The following EPSTI1 variants were observed in gnomAD, a reference collection of about 807,000 sequenced individuals.
EPSTI1 encodes epithelial-stromal interaction protein 1.
EPSTI1 carries 66 observed loss-of-function variants against 49.9 expected under a neutral mutation model. The observed-to-expected ratio is 1.32, with a 90% CI of 1.08 to 1.62. The LOEUF is 1.62. Ranked by LOEUF, EPSTI1 falls within the 40% of genes most tolerant of loss-of-function variation. The pLI is 0.00. For synonymous variants in EPSTI1, 137 were observed against 130.7 expected, an observed-to-expected ratio of 1.05 and a Z score of -0.33; for missense variants, 394 against 365.5, an observed-to-expected ratio of 1.08 and a Z score of -0.64.
At chr13:42,983,582 A>AAAAAAAAAC (rs1280212232) in intron 1 of EPSTI1, among the ~76,000 whole-genome samples, 3 of 150,924 alleles carry the variant, frequency 2.0e-5, no homozygotes, top group African/African-American at 7.3e-5. Flanking sequence ...AAAAAAAAAA[A>AAAAAAAAAC]AAAAAAACAA....
At position 42,887,053 on chromosome 13, in the gene EPSTI1, A is replaced by G. The variant is rs1049452976; in HGVS notation, c.*1441T>C. ...AATGGCTGCACACCACCACACTAAA[A>G]TGTCTGCTACAGCCGCACATTTACA... On this transcript the variant is annotated 3_prime_UTR_variant, in exon 11 of 11. Transcript: ENST00000313624. 6.6e-6 allele frequency: 1 copy of G among 152,150 alleles called. No homozygotes were observed. The highest frequency in any genetic ancestry group is 2.4e-5 in the African/African-American group (1 of 41,430). The allele number at this position is 152,150 out of a possible 1,614,324, so 9.4% of individuals were successfully genotyped here.
chr13:42,968,933 C>T (rs1200356895), intron 3 of EPSTI1, among the ~76,000 whole-genome samples, 161 bp downstream of exon 3: 8 of 128,284 alleles, frequency 6.2e-5, no homozygotes, highest in Admixed American at 1.6e-4. Flanking sequence ...CACACACACA[C>T]ACACACACAC....
chr13:42,989,948 A>G (rs2040165154), intron 1 of EPSTI1, among the ~76,000 whole-genome samples: 1 of 152,062 alleles, frequency 6.6e-6, no homozygotes, highest in African/African-American at 2.4e-5. Flanking sequence ...AAATAAATAA[A>G]GCCTTCTTTA....
At chr13:42,960,651 T>A (rs2039420120) in intron 5 of EPSTI1, among the ~76,000 whole-genome samples, 1 of 152,106 alleles carries the variant, frequency 6.6e-6, no homozygotes, top group African/African-American at 2.4e-5. Flanking sequence ...ACAAAACGGG[T>A]ATCAATGGGC....
At position 42,931,238 on chromosome 13, in the gene EPSTI1, G is replaced by A. The variant is rs990990444; in HGVS notation, c.564-4809C>T. On this transcript the variant is annotated intron_variant, in intron 6 of 10. Coordinates refer to ENST00000313624, the MANE Select transcript of EPSTI1 (RefSeq NM_033255.5). ...TTTTGAGACGGAGTCTCGCTCTGTC[G>A]CCCAGGCCGGACTGCGGACTGCAGT... Among the ~76,000 whole-genome samples, 475 of 121,764 alleles carry A rather than the reference G, an allele frequency of 3.9e-3. 3 individuals are homozygous for A. Among genetic ancestry groups the A allele is most frequent in the African/African-American group, 0.014 (451 of 31,416 alleles). The allele number at this position is 121,764 out of a possible 152,430, so 79.9% of individuals were successfully genotyped here.
At chr13:42,950,634 C>T (rs1170750257) in intron 6 of EPSTI1, among the ~76,000 whole-genome samples, 1 of 152,184 alleles carries the variant, frequency 6.6e-6, no homozygotes, top group Non-Finnish European at 1.5e-5. Context: ...TTATAGTCCG[C>T]TCAAGTCCAT....
At chr13:42,947,978 C>T (rs761906422) in intron 6 of EPSTI1, among the ~76,000 whole-genome samples, 2 of 152,218 alleles carry the variant, frequency 1.3e-5, no homozygotes, top group African/African-American at 2.4e-5. Context: ...CCCCAGGCCC[C>T]GGTCCTGCTG....
intron 1 of EPSTI1, among the ~76,000 whole-genome samples, chr13:42,976,224 G>A (rs192345717): frequency 1.1e-4 from 16 of 152,324 alleles, no homozygotes; most frequent in Admixed American, 4.6e-4. Context: ...TATGATGGGC[G>A]CAACAGGATG....
At chr13:42,908,315 G>A (rs191873710) in intron 8 of EPSTI1, among the ~76,000 whole-genome samples, 8 of 152,090 alleles carry the variant, frequency 5.3e-5, no homozygotes, top group South Asian at 2.1e-4. Context: ...GCAAAGCCCC[G>A]TCTCTACTGA....
At chr13:42,980,224 T>G (rs1433411424) in intron 1 of EPSTI1, among the ~76,000 whole-genome samples, 1 of 151,572 alleles carries the variant, frequency 6.6e-6, no homozygotes, top group Non-Finnish European at 1.5e-5. Context: ...TAAGCCAAAG[T>G]GAAAAACAAG....
intron 8 of EPSTI1, among the ~76,000 whole-genome samples, chr13:42,911,808 TG>T (rs2037695087): frequency 1.3e-5 from 2 of 152,242 alleles, no homozygotes; most frequent in South Asian, 4.1e-4. Flanking sequence ...TATTAATTTC[TG>T]TTCTTATCTT....
Position 42,917,640 on chromosome 13 carries a change from G to GACAA in EPSTI1, c.658-17_658-16insTTGT. The GACAA allele has an allele frequency of 7.4e-5, 11 of 149,388 alleles. No individual in the cohort carries two copies. Among genetic ancestry groups the GACAA allele is most frequent in the Non-Finnish European group, 1.2e-4 (11 of 92,610 alleles). The allele number at this position is 149,388 out of a possible 1,614,324, so 9.3% of individuals were successfully genotyped here. ...AGCTTCTGGCCTGTAAAGGTACAAA[G>GACAA]AGAAAAAAAAAAAAAAAAACAACTT... On this transcript the variant is annotated splice_polypyrimidine_tract_variant and intron_variant, in intron 7 of 10. Coordinates refer to ENST00000313624, the MANE Select transcript of EPSTI1 (RefSeq NM_033255.5).
At chr13:42,965,300 T>A (rs894780145) in intron 3 of EPSTI1, among the ~76,000 whole-genome samples, 12 of 152,126 alleles carry the variant, frequency 7.9e-5, no homozygotes, top group African/African-American at 4.8e-5. Context: ...TTTAATACAT[T>A]CTAGAATTTT....
intron 1 of EPSTI1, among the ~76,000 whole-genome samples, chr13:42,974,061 C>T (rs913471272): frequency 6.6e-6 from 1 of 152,222 alleles, no homozygotes; most frequent in Non-Finnish European, 1.5e-5. Flanking sequence ...TTTGGCCAAG[C>T]GCGGTGGCTC....
intron 1 of EPSTI1, among the ~76,000 whole-genome samples, chr13:42,989,215 T>C (rs1372992280): frequency 6.6e-6 from 1 of 152,036 alleles, no homozygotes; most frequent in Non-Finnish European, 1.5e-5. Flanking sequence ...AACATTCGAC[T>C]TAAGGGTGAC....
intron 6 of EPSTI1, among the ~76,000 whole-genome samples, chr13:42,944,174 T>C (rs1234163320): frequency 6.6e-6 from 1 of 152,166 alleles, no homozygotes; most frequent in Non-Finnish European, 1.5e-5. Context: ...ATCGGGTATA[T>C]ACCCAAAGGA....
intron 1 of EPSTI1, among the ~76,000 whole-genome samples, chr13:42,983,563 C>CAAAAAAAAAAAAAAAAAAAAAAA (rs56259281): frequency 7.3e-5 from 7 of 95,500 alleles, no homozygotes; most frequent in Middle Eastern, 5.6e-3. Flanking sequence ...GACTCCATCT[C>CAAAAAAAAAAAAAAAAAAAAAAA]AAAAAAAAAA....
intron 9 of EPSTI1, among the ~76,000 whole-genome samples, chr13:42,896,182 G>A (rs999795700): frequency 3.3e-5 from 5 of 152,094 alleles, no homozygotes; most frequent in African/African-American, 1.2e-4. Flanking sequence ...ATCGGGCTGC[G>A]GTTCCACCTC....
intron 9 of EPSTI1, among the ~76,000 whole-genome samples, chr13:42,896,747 T>C (rs552715830): frequency 1.3e-5 from 2 of 152,344 alleles, no homozygotes; most frequent in African/African-American, 4.8e-5. Flanking sequence ...AAAGGTTGTG[T>C]TATCTTGCTC....
Sources: allele counts gnomAD v4.1 joint callset (sites outside exome capture counted in the v4.1 genomes callset), GRCh38; gene constraint gnomAD v4.1.1; transcripts MANE v1.5; gene names NCBI Gene and HGNC (gene_info 2026-07-23, HGNC 2026-07-21).